Variants in ZNF616 observed in about 807,000 individuals in gnomAD.
ZNF616 encodes the protein zinc finger protein 616.
ZNF616 carries 5 observed loss-of-function variants against 7.6 expected under a neutral mutation model. The observed-to-expected ratio is 0.66, with a 90% CI of 0.34 to 1.38. The LOEUF is 1.38. Among genes scored for constraint, ZNF616 ranks in the 40% most tolerant of loss-of-function variants. The probability of loss-of-function intolerance (pLI) is 0.04; values close to 1 mark genes in which losing one functional copy is unlikely to be tolerated. For synonymous variants in ZNF616, 319 were observed against 317.2 expected (o/e 1.01, Z -0.06); for missense variants, 913 against 948.3 (o/e 0.96, Z 0.49).
intron 3 of ZNF616, among the ~76,000 whole-genome samples, chr19:52,123,516 C>T (rs1056076023): frequency 6.2e-4 from 94 of 152,114 alleles, no homozygotes; most frequent in Non-Finnish European, 2.2e-4. Flanking sequence ...CGCATAATTC[C>T]AGCTACTTGG....
chr19:52,127,406 T>C (rs1202309259), intron 2 of ZNF616, among the ~76,000 whole-genome samples: 1 of 152,180 alleles, frequency 6.6e-6, no homozygotes, highest in African/African-American at 2.4e-5. Context: ...AGGAGAACCA[T>C]AATAATTTTG....
rs1222591753 is a variant in ZNF616, at chr19:52,139,497, C to T, written c.-77+235G>A. Among the ~76,000 whole-genome samples the T allele has an allele frequency of 6.6e-6, 1 of 152,086 alleles. No homozygotes were observed. Among genetic ancestry groups the T allele is most frequent in the African/African-American group, 2.4e-5 (1 of 41,438 alleles). On this transcript the variant is annotated intron_variant, in intron 1 of 3. Transcript: ENST00000600228. The surrounding 1 kb of genome is among the most constrained non-coding windows in gnomAD (Gnocchi z 4.1). Reference sequence around the variant, plus strand: ...TCCTTCAGGAGCTGGGCAGCGGGCGCTCCCCTCCAGGCGTCGACAAGGGCG... The same window carrying T: ...TCCTTCAGGAGCTGGGCAGCGGGCGTTCCCCTCCAGGCGTCGACAAGGGCG...
chr19:52,119,189 C>T (rs1370774831), intron 3 of ZNF616, among the ~76,000 whole-genome samples: 2 of 151,896 alleles, frequency 1.3e-5, no homozygotes, highest in African/African-American at 4.8e-5. Context: ...CCAGCCCGGC[C>T]AAGATGATGA....
At position 52,115,129 on chromosome 19, in the gene ZNF616, G is replaced by A; in HGVS notation, c.2035C>T (p.His679Tyr). 6.2e-7 allele frequency: 1 copy of A among 1,614,104 alleles called. No homozygotes were observed. Among genetic ancestry groups the A allele is most frequent in the Non-Finnish European group, 8.5e-7 (1 of 1,180,014 alleles). The change falls in exon 4 of 4, where the codon CAT (histidine) becomes TAT (tyrosine). Residue 679 changes from histidine to tyrosine, a missense_variant. Transcript: ENST00000600228. ...TTCTTTCCTGCATGAATTATCTGAT[G>A]TGCAGTGAGGTTTGAGCTCCGTTTA... ...TFKRSSNLTA[H>Y]QIIHAGKKPY...
At position 52,115,368 on chromosome 19, in the gene ZNF616, T is replaced by G. The variant is rs762732387; in HGVS notation, c.1796A>C (p.His599Pro). 6.2e-7 allele frequency: 1 copy of G among 1,614,152 alleles called. No individual in the cohort carries two copies. The highest frequency in any genetic ancestry group is 1.7e-5 in the Admixed American group (1 of 60,004). ...ACATTTGTATGGTTTCTCTCCAGTA[T>G]GAACTCTTCGATGCCCTACAAGATG... Reference protein sequence around the residue: ...YSHLVGHRRVHTGEKPYKCHE... With the variant: ...YSHLVGHRRVPTGEKPYKCHE... Residue 599 changes from histidine to proline, a missense_variant, in exon 4 of 4, where the codon CAT becomes CCT. Coordinates refer to ENST00000600228, the MANE Select transcript of ZNF616 (RefSeq NM_178523.5).
rs951538532 is a variant in ZNF616 at position 52,116,949 on chromosome 19, A to G, written c.215T>C (p.Val72Ala). The stretch of plus-strand genomic sequence containing the variant: ...ATAGCTTTGATGTCTTTCCAGTGCC[A>G]CTGTTTGGAACCTTTCTCCTGTATT... Reference protein sequence around the residue: ...NSNTGERFQTVALERHQSYDI... With the variant: ...NSNTGERFQTAALERHQSYDI... The change falls in exon 4 of 4, where the codon GTG (valine) becomes GCG (alanine). Residue 72 changes from valine to alanine, a missense_variant. Physicochemically the swap from Val to Ala is moderately conservative, Grantham distance 64. Transcript: ENST00000600228. 1.1e-5 allele frequency: 18 copies of G among 1,613,296 alleles called. No individual in the cohort carries two copies. Among genetic ancestry groups the G allele is most frequent in the Non-Finnish European group, 1.5e-5 (18 of 1,179,822 alleles).
chr19:52,132,749 T>C (rs1002424456), intron 1 of ZNF616, among the ~76,000 whole-genome samples: 2 of 152,128 alleles, frequency 1.3e-5, no homozygotes, highest in African/African-American at 4.8e-5. Flanking sequence ...CCTGCAGAAC[T>C]GTGAGCCAAT....
intron 2 of ZNF616, among the ~76,000 whole-genome samples, chr19:52,128,906 C>CT (rs80281618): frequency 7.7e-4 from 109 of 142,012 alleles, no homozygotes; most frequent in Admixed American, 1.1e-3. Flanking sequence ...CTCACAGTTA[C>CT]TTTTTTTTTT....
At chr19:52,133,632 C>T (rs1325305993) in intron 1 of ZNF616, among the ~76,000 whole-genome samples, 1 of 151,964 alleles carries the variant, frequency 6.6e-6, no homozygotes, top group Non-Finnish European at 1.5e-5. Flanking sequence ...AATTCTCCTG[C>T]CTCAGCCTCC....
rs2088792968 is a variant in ZNF616, at chr19:52,114,046, A to C, written c.*772T>G. ...ATATTCTGATGCCTAGTGAGTTCCA[A>C]TGCCTGGGGAAAGCCTCTGACACAT... is the stretch of plus-strand genomic sequence containing the variant. On this transcript the variant is annotated 3_prime_UTR_variant, in exon 4 of 4. Transcript: ENST00000600228. 6.6e-6 allele frequency: 1 copy of C among 152,150 alleles called. No individual in the cohort carries two copies. The highest frequency in any genetic ancestry group is 6.5e-5 in the Admixed American group (1 of 15,274). The allele number at this position is 152,150 out of a possible 1,614,324, so 9.4% of individuals were successfully genotyped here.
intron 1 of ZNF616, chr19:52,138,790 C>T (rs2089034678): frequency 6.5e-6 from 1 of 152,682 alleles, no homozygotes; most frequent in Non-Finnish European, 1.5e-5. Flanking sequence ...GCACCCCCAA[C>T]TTCCTAGGCT....
intron 3 of ZNF616, among the ~76,000 whole-genome samples, chr19:52,119,241 G>A (rs978254940): frequency 2.0e-5 from 3 of 152,070 alleles, no homozygotes; most frequent in Admixed American, 2.0e-4. Flanking sequence ...GCTGGGTGTG[G>A]GGGCAGGTGT....
chr19:52,118,588 T>A (rs1600122258), intron 3 of ZNF616, among the ~76,000 whole-genome samples: 1 of 152,156 alleles, frequency 6.6e-6, no homozygotes, highest in Non-Finnish European at 1.5e-5. Flanking sequence ...AAATGGCTGG[T>A]TCTGACATGT....
intron 2 of ZNF616, among the ~76,000 whole-genome samples, chr19:52,127,398 G>A (rs2088919267): frequency 6.6e-6 from 1 of 152,114 alleles, no homozygotes; most frequent in African/African-American, 2.4e-5. Flanking sequence ...TGTGTAAAAG[G>A]AGAACCATAA....
intron 1 of ZNF616, among the ~76,000 whole-genome samples, chr19:52,134,688 G>T (rs1600129394): frequency 6.6e-6 from 1 of 152,126 alleles, no homozygotes; most frequent in East Asian, 1.9e-4. Flanking sequence ...CCCAACACTG[G>T]CCACAGAAGA....
chr19:52,137,277 G>T (rs1490659710), intron 1 of ZNF616, among the ~76,000 whole-genome samples: 1 of 151,548 alleles, frequency 6.6e-6, no homozygotes, highest in East Asian at 1.9e-4. Context: ...CAAAAAATTA[G>T]CCGGGCGTGG....
rs1041545945 is a variant in ZNF616 at position 52,124,209 on chromosome 19, A to T, written c.13-160T>A. 5.3e-5 allele frequency among the ~76,000 whole-genome samples: 8 copies of T among 152,356 alleles called. 1 individual carries two copies. The highest frequency in any genetic ancestry group is 1.3e-4 in the Admixed American group (2 of 15,300). ...GGTCCCTAATTTTAGTTTGTTATAA[A>T]ATACAATAGGAGACTATTATATTCT... On this transcript the variant is annotated intron_variant, in intron 2 of 3. Coordinates refer to ENST00000600228, the MANE Select transcript of ZNF616 (RefSeq NM_178523.5).
chr19:52,116,920 TATCATAGCTTTGATGTCTTTCCAGTGCCA>T lies in ZNF616; in HGVS notation c.215_243del (p.Val72AspfsTer2). 2 of 1,614,060 alleles carry T rather than the reference TATCATAGCTTTGATGTCTTTCCAGTGCCA, an allele frequency of 1.2e-6. No homozygotes were observed. The highest frequency in any genetic ancestry group is 8.5e-7 in the Non-Finnish European group (1 of 1,179,984). ...ATTTCCCTGAAGTATAAATTTTCAATATCATAGCTTTGATGTCTTTCCAGTGCCACTGTTTGGAACCTTTCTCCTGTATT... is the reference window on the plus strand; with the variant it reads ...ATTTCCCTGAAGTATAAATTTTCAATCTGTTTGGAACCTTTCTCCTGTATT... On this transcript the variant is annotated frameshift_variant, in exon 4 of 4. Coordinates refer to ENST00000600228, the MANE Select transcript of ZNF616 (RefSeq NM_178523.5). LOFTEE classifies it low-confidence loss of function (END_TRUNC).
intron 3 of ZNF616, among the ~76,000 whole-genome samples, chr19:52,119,421 A>C (rs1021945320): frequency 3.3e-5 from 5 of 152,096 alleles, no homozygotes; most frequent in African/African-American, 9.7e-5. Flanking sequence ...CAAGTGAATG[A>C]GTACGGTCAT....
Sources: gnomAD v4.1 joint callset for allele counts (sites outside exome capture counted in the v4.1 genomes callset) on GRCh38, gnomAD v4.1.1 for gene constraint, Gnocchi (gnomAD v3.1) non-coding constraint, MANE v1.5 for transcripts, NCBI Gene and HGNC (gene_info 2026-07-23, HGNC 2026-07-21) for gene names.